The following MAMDC4 variants were observed in gnomAD, a reference collection of about 807,000 sequenced individuals.
The protein encoded by MAMDC4 is MAM domain containing 4.
A neutral mutation model predicts 153.3 loss-of-function variants in MAMDC4; 168 were observed. The observed-to-expected ratio is 1.10, with a 90% CI of 0.97 to 1.25. The LOEUF (loss-of-function observed/expected upper bound fraction) is 1.25. Ranked by LOEUF, MAMDC4 falls within the 50% of genes most tolerant of loss-of-function variation. The pLI is 0.00. For missense variants in MAMDC4, 1,701 were observed against 1,542.8 expected (o/e 1.10, Z -1.72); for synonymous variants, 744 against 651.5 (o/e 1.14, Z -2.16).
intron 2 of MAMDC4, 24 bp from the exon 3 acceptor site, chr9:136,853,261 A>C: frequency 6.2e-7 from 1 of 1,606,636 alleles, no homozygotes; most frequent in Non-Finnish European, 8.5e-7. Context: ...GGTCTGGCAC[A>C]CACCTGACCA....
chr9:136,858,658 G>T (rs936501315), intron 22 of MAMDC4, 61 bp from the exon 23 acceptor site: 9 of 1,603,894 alleles, frequency 5.6e-6, no homozygotes, highest in Middle Eastern at 1.7e-4. Context: ...CCGAGCCTCT[G>T]CTCGGGCCCT....
rs2131239792 is a variant in MAMDC4 at position 136,859,147 on chromosome 9, G to A, written c.3084+15G>A. The A allele has an allele frequency of 7.0e-6, 11 of 1,580,000 alleles. No homozygotes were observed. Among genetic ancestry groups the A allele is most frequent in the Non-Finnish European group, 9.5e-6 (11 of 1,161,690 alleles). On this transcript the variant is annotated intron_variant, in intron 24 of 26. Coordinates refer to ENST00000317446, the MANE Select transcript of MAMDC4 (RefSeq NM_206920.3). ...AGGAGTTCCAGGTGAGGCTGGCTGT[G>A]GGCAAGGAGCCTCCTCCTCCTCCAC...
rs1189091046 is a variant in MAMDC4, at chr9:136,858,789, T to C, written c.2892T>C (p.Pro964=). Residue 964 remains proline (P), a synonymous_variant, in exon 23 of 27, where the codon CCT becomes CCC. Coordinates refer to ENST00000317446, the MANE Select transcript of MAMDC4 (RefSeq NM_206920.3). The part of the protein sequence containing the change: ...GGRAAWLRSE[P]LPATPASCLR... ...GGGCCGCCTGGCTGCGCAGCGAGCCTCTGCCGGCCACCCCAGCCTCCTGCC... is the reference window on the plus strand; with the variant it reads ...GGGCCGCCTGGCTGCGCAGCGAGCCCCTGCCGGCCACCCCAGCCTCCTGCC... 1 of 1,610,558 alleles carries C rather than the reference T, an allele frequency of 6.2e-7. No individual in the cohort carries two copies. The highest frequency in any genetic ancestry group is 1.3e-5 in the African/African-American group (1 of 74,928).
intron 25 of MAMDC4, chr9:136,859,616 C>A (rs979367155): frequency 5.1e-6 from 3 of 593,404 alleles, no homozygotes; most frequent in African/African-American, 3.7e-5. Flanking sequence ...GGAGGAACCG[C>A]CAGCCGGGTC....
Position 136,857,190 on chromosome 9 carries a change from G to A in MAMDC4, c.1998G>A (p.Arg666=). ...QIGTLRLAMR[R]EGEETHLWSR... ...GGACTCTGCGCCTAGCCATGAGACG[G>A]GAAGGGGAGGAGACACACCTGTGGT... The change falls in exon 17 of 27, where the codon CGG becomes CGA. Residue 666 remains arginine, a synonymous_variant. Transcript: ENST00000317446. The A allele has an allele frequency of 6.2e-7, 1 of 1,612,350 alleles. No individual in the cohort carries two copies. Among genetic ancestry groups the A allele is most frequent in the South Asian group, 1.1e-5 (1 of 90,974 alleles).
rs751775161 is a variant in MAMDC4, at chr9:136,855,823, C to T, written c.1563C>T (p.Ser521=). ...LQWRRVSAQE[S]QGSSAAAAGH... ...GGCGGCGTGTCTCAGCCCAGGAGAG[C>T]CAGGGGTCCAGTGCAGCTGCTGCTG... Residue 521 remains serine, a synonymous_variant, in exon 13 of 27, where the codon AGC becomes AGT. Coordinates refer to ENST00000317446, the MANE Select transcript of MAMDC4 (RefSeq NM_206920.3). The T allele has an allele frequency of 1.3e-6, 2 of 1,527,200 alleles. No individual in the cohort carries two copies. The highest frequency in any genetic ancestry group is 4.1e-5 in the Admixed American group (2 of 48,344). 94.6% of individuals were successfully genotyped at this position (1,527,200 alleles called of 1,614,324 possible).
chr9:136,855,637 C>G lies in MAMDC4; in HGVS notation c.1471+18C>G, dbSNP rs1848993776. 1.3e-6 allele frequency: 2 copies of G among 1,568,234 alleles called. No homozygotes were observed. Among genetic ancestry groups the G allele is most frequent in the South Asian group, 2.3e-5 (2 of 85,422 alleles). On this transcript the variant is annotated intron_variant, in intron 12 of 26. Transcript: ENST00000317446. ...GGCCTGTGGTAAAGGGGCTCAACCT[C>G]CTGCAGACCTCCTGCTGCGGAGCCA...
In MAMDC4 at chr9:136,854,040, C is replaced by T. The variant is rs1175435726; in HGVS notation, c.634C>T (p.Leu212=). The T allele has an allele frequency of 1.2e-6, 2 of 1,612,904 alleles. No homozygotes were observed. Among genetic ancestry groups the T allele is most frequent in the Non-Finnish European group, 1.7e-6 (2 of 1,179,968 alleles). The part of the protein sequence containing the change: ...RNATHRGAVA[L]DDLEFWDCGL... ...TGCCACCCACAGGGGCGCTGTGGCTCTAGATGACCTAGAGTTCTGGGACTG... is the reference window on the plus strand; with the variant it reads ...TGCCACCCACAGGGGCGCTGTGGCTTTAGATGACCTAGAGTTCTGGGACTG... Residue 212 remains leucine, a synonymous_variant, in exon 6 of 27, where the codon CTA becomes TTA. Transcript: ENST00000317446.
rs752341149 is a variant in MAMDC4, at chr9:136,857,459, CT to C, written c.2200del (p.Cys734AlafsTer63). 9 of 1,608,874 alleles carry C rather than the reference CT, an allele frequency of 5.6e-6. No individual in the cohort carries two copies. The African/African-American group carries it at 1.2e-4, about 21-fold the overall frequency. Reference protein sequence around the residue: ...RPGPCWAPNYCSFEDSDCGFS... With the variant: ...RPGPCWAPNYXSFEDSDCGFS... ...CGGGCCCCTGCTGGGCCCCTAATTA[CT>C]GCTCCTTTGAGGACTCAGACTGCGG... On this transcript the variant is annotated frameshift_variant, in exon 18 of 27. Transcript: ENST00000317446. LOFTEE classifies it high-confidence loss of function.
rs570430208 is a variant in MAMDC4, at chr9:136,854,269, G to C, written c.729G>C (p.Glu243Asp). Residue 243 changes from glutamate (E) to aspartate (D), a missense_variant, in exon 7 of 27, where the codon GAG becomes GAC. Transcript: ENST00000317446. ...ACTGCCAGAACAAGGTCTGCGTGGA[G>C]CCCCAGCAGCTGTGCGACGGGGAAG... ...HHHCQNKVCV[E>D]PQQLCDGEDN... The C allele has an allele frequency of 1.2e-6, 2 of 1,610,408 alleles. No homozygotes were observed. Among genetic ancestry groups the C allele is most frequent in the Non-Finnish European group, 1.7e-6 (2 of 1,178,952 alleles).
chr9:136,858,734 T>C lies in MAMDC4; in HGVS notation c.2837T>C (p.Phe946Ser). The change falls in exon 23 of 27, where the codon TTT becomes TCT. Residue 946 changes from phenylalanine to serine, a missense_variant. Phe to Ser is a radical substitution (Grantham distance 155). Transcript: ENST00000317446. Reference protein sequence around the residue: ...LGTEAGHFAFFETGVLGPGGR... With the variant: ...LGTEAGHFAFSETGVLGPGGR... ...TTGTTCCCAGGCCACTTTGCCTTCT[T>C]TGAAACTGGCGTGCTGGGCCCCGGG... 1 of 1,612,068 alleles carries C rather than the reference T, an allele frequency of 6.2e-7. No homozygotes were observed.
Position 136,857,289 on chromosome 9 carries a change from C to T in MAMDC4, c.2097C>T (p.Ala699=). 1 of 1,603,490 alleles carries T rather than the reference C, an allele frequency of 6.2e-7. No individual in the cohort carries two copies. Among genetic ancestry groups the T allele is most frequent in the Non-Finnish European group, 8.5e-7 (1 of 1,175,840 alleles). Residue 699 remains alanine (A), a synonymous_variant, in exon 17 of 27, where the codon GCC becomes GCT. Transcript: ENST00000317446. Reference sequence around the variant, plus strand: ...TTTCCCACCAGCCTGGCTCCCATGCCCAGTACCAGGTGAGGCCTGGCACCC... The same window carrying T: ...TTTCCCACCAGCCTGGCTCCCATGCTCAGTACCAGGTGAGGCCTGGCACCC... The part of the protein sequence containing the change: ...ATLSHQPGSH[A]QYQLLFEGLR...
Position 136,855,753 on chromosome 9 carries a change from C to G in MAMDC4, c.1493C>G (p.Pro498Arg). ...CCAGGCACCACAGACTTTGAGTCCC[C>G]CGAGGCTGGGGGCTGGGAGGACGCC... is the stretch of plus-strand genomic sequence containing the variant. ...QACGTTDFES[P>R]EAGGWEDASV... The change falls in exon 13 of 27, where the codon CCC becomes CGC. Residue 498 changes from proline to arginine, a missense_variant. Coordinates refer to ENST00000317446, the MANE Select transcript of MAMDC4 (RefSeq NM_206920.3). 3 of 1,571,696 alleles carry G rather than the reference C, an allele frequency of 1.9e-6. No homozygotes were observed. The highest frequency in any genetic ancestry group is 2.6e-6 in the Non-Finnish European group (3 of 1,159,554).
Position 136,860,774 on chromosome 9 carries a change from C to T in MAMDC4, c.*171C>T, listed in dbSNP as rs1248291181. On this transcript the variant is annotated 3_prime_UTR_variant, in exon 27 of 27. Transcript: ENST00000317446. ...CTGACTCTGTTGCTCTGTGAATAAA[C>T]ACCCTGGCCCATGAGGGCAGCCCAA... 1 of 662,930 alleles carries T rather than the reference C, an allele frequency of 1.5e-6. No homozygotes were observed. Among genetic ancestry groups the T allele is most frequent in the African/African-American group, 1.8e-5 (1 of 54,920 alleles). The allele number at this position is 662,930 out of a possible 1,614,324, so 41.1% of individuals were successfully genotyped here.
chr9:136,858,742 G>C lies in MAMDC4; in HGVS notation c.2845G>C (p.Gly949Arg). 1 of 1,611,730 alleles carries C rather than the reference G, an allele frequency of 6.2e-7. No individual in the cohort carries two copies. Among genetic ancestry groups the C allele is most frequent in the South Asian group, 1.1e-5 (1 of 91,044 alleles). The change falls in exon 23 of 27, where the codon GGC becomes CGC. Residue 949 changes from glycine (G) to arginine (R), a missense_variant. Physicochemically the swap from Gly to Arg is moderately radical, Grantham distance 125. Transcript: ENST00000317446. ...EAGHFAFFETGVLGPGGRAAW... is the reference protein window; with the variant it reads ...EAGHFAFFETRVLGPGGRAAW... ...AGGCCACTTTGCCTTCTTTGAAACT[G>C]GCGTGCTGGGCCCCGGGGGCCGGGC...
Position 136,858,019 on chromosome 9 carries a change from G to A in MAMDC4, c.2505G>A (p.Gln835=). The change falls in exon 20 of 27, where the codon CAG becomes CAA. Residue 835 remains glutamine, a synonymous_variant. Coordinates refer to ENST00000317446, the MANE Select transcript of MAMDC4 (RefSeq NM_206920.3). ...ACCTGGAGGAGCGCGGGAGGCACCA[G>A]GTGCTCAGCCTCAGTGCCCACGGCG... is the stretch of plus-strand genomic sequence containing the variant. The part of the protein sequence containing the change: ...RVYLEERGRH[Q]VLSLSAHGGL... 6.6e-7 allele frequency: 1 copy of A among 1,526,254 alleles called. No homozygotes were observed. 94.5% of individuals were successfully genotyped at this position (1,526,254 alleles called of 1,614,324 possible).
At chr9:136,853,719 G>T in intron 4 of MAMDC4, 49 bp downstream of exon 4, 2 of 1,603,104 alleles carry the variant, frequency 1.2e-6, no homozygotes, top group South Asian at 1.1e-5. Context: ...AGGGGAGGGC[G>T]GGTGGGCAGC....
intron 5 of MAMDC4, 25 bp from the exon 6 acceptor site, chr9:136,853,967 G>C (rs752187068): frequency 4.3e-6 from 7 of 1,612,756 alleles, no homozygotes; most frequent in Non-Finnish European, 5.9e-6. Flanking sequence ...CCCTGACTTA[G>C]GTCCTAAGAG....
chr9:136,856,747 G>A lies in MAMDC4; in HGVS notation c.1758G>A (p.Trp586Ter). The part of the protein sequence containing the change: ...SCNFERDTCS[W>*]YPGHLSDTHW... ...ACTTTGAGCGGGACACATGCAGCTG[G>A]TACCCAGGCCACCTCTCAGACACAC... The change falls in exon 15 of 27, where the codon TGG becomes TGA. Residue 586 changes from tryptophan to a stop codon, truncating the protein, a stop_gained. Transcript: ENST00000317446. LOFTEE classifies it high-confidence loss of function. The A allele has an allele frequency of 1.9e-6, 3 of 1,612,548 alleles. No homozygotes were observed. Among genetic ancestry groups the A allele is most frequent in the Non-Finnish European group, 2.5e-6 (3 of 1,179,826 alleles).
Sources: allele counts gnomAD v4.1 joint callset, GRCh38; gene constraint gnomAD v4.1.1; transcripts MANE v1.5; gene names NCBI Gene and HGNC (gene_info 2026-07-23, HGNC 2026-07-21).